TMEM67: variants seen among roughly 807,000 people sequenced by gnomAD.
TMEM67 encodes meckelin.
TMEM67 carries 124 observed loss-of-function variants against 136.6 expected under a neutral mutation model. The observed-to-expected ratio is 0.91, with a 90% CI of 0.78 to 1.05. The LOEUF (loss-of-function observed/expected upper bound fraction) is 1.05. Ranked by LOEUF, TMEM67 falls within the 50% of genes least tolerant of loss-of-function variation. The pLI, the probability that TMEM67 is intolerant of heterozygous loss-of-function variation, is 0.00. For synonymous variants in TMEM67, 364 were observed against 390.5 expected (o/e 0.93, Z 0.80); for missense variants, 1,107 against 1,178.4 (o/e 0.94, Z 0.89).
chr8:93,819,932 T>C (rs1484502279), downstream of TMEM67, among the ~76,000 whole-genome samples: 2 of 152,146 alleles, frequency 1.3e-5, no homozygotes, highest in Non-Finnish European at 2.9e-5. Context: ...ATACAAACTA[T>C]AGACCTGAGC....
At chr8:93,828,414 C>T in the TMEM67 span, among the ~76,000 whole-genome samples, 2 of 152,172 alleles carry the variant, frequency 1.3e-5, no homozygotes. Context: ...TAATTGACTT[C>T]AAGCAGCACT....
chr8:93,767,466 T>C (rs1242979916), intron 6 of TMEM67, among the ~76,000 whole-genome samples: 1 of 152,240 alleles, frequency 6.6e-6, no homozygotes, highest in East Asian at 1.9e-4. Context: ...ACCACTACTG[T>C]GATGGTTGCC....
At chr8:93,799,835 C>T in intron 21 of TMEM67, 77 bp downstream of exon 21, 1 of 1,127,528 alleles carries the variant, frequency 8.9e-7, no homozygotes. Context: ...TGATTATCAT[C>T]AAATATTGAC....
downstream of TMEM67, among the ~76,000 whole-genome samples, chr8:93,822,948 A>T (rs925803551): frequency 6.6e-6 from 1 of 152,234 alleles, no homozygotes; most frequent in South Asian, 2.1e-4. Flanking sequence ...CCCTTTATCT[A>T]TATACAATTT....
At chr8:93,759,096 A>C (rs1812706338) in intron 3 of TMEM67, 1 of 152,400 alleles carries the variant, frequency 6.6e-6, no homozygotes, top group South Asian at 2.1e-4. Context: ...AATAGGGAAA[A>C]AGCGTAAGCA....
Position 93,780,906 on chromosome 8 carries a change from A to T in TMEM67, c.902A>T (p.Asp301Val). The change falls in exon 9 of 28, where the codon GAC becomes GTC. Residue 301 changes from aspartate (D) to valine (V), a missense_variant. Physicochemically the swap from Asp to Val is radical, Grantham distance 152 (BLOSUM62 -3). Around this residue, in one of 3 missense-constraint regions of TMEM67, gnomAD observed 925 missense variants for 1,002.4 expected, o/e 0.92. Transcript: ENST00000453321. ...RQNLPWLFYG[D>V]QLGLAPQVLS... Reference sequence around the variant, plus strand: ...AATCTTCCTTGGCTGTTTTATGGAGACCAGTTAGGATTAGCACCTCAAGTG... The same window carrying T: ...AATCTTCCTTGGCTGTTTTATGGAGTCCAGTTAGGATTAGCACCTCAAGTG... The T allele has an allele frequency of 6.2e-7, 1 of 1,612,438 alleles. No homozygotes were observed. Among genetic ancestry groups the T allele is most frequent in the Non-Finnish European group, 8.5e-7 (1 of 1,179,778 alleles).
chr8:93,792,809 C>T (rs1291632808), intron 15 of TMEM67, among the ~76,000 whole-genome samples: 5 of 146,566 alleles, frequency 3.4e-5, no homozygotes, highest in South Asian at 4.4e-4. Context: ...CTCACTCTGT[C>T]GCCCAGGCTG....
chr8:93,820,144 GCCCTGGC>G (rs569785916), downstream of TMEM67, among the ~76,000 whole-genome samples: 70 of 152,170 alleles, frequency 4.6e-4, no homozygotes, highest in Non-Finnish European at 5.3e-4. Flanking sequence ...CCCAGGCTCT[GCCCTGGC>G]TCCTGGTGCT....
At chr8:93,756,064 T>C in intron 2 of TMEM67, 198 bp downstream of exon 2, 1 of 460,730 alleles carries the variant, frequency 2.2e-6, no homozygotes, top group Non-Finnish European at 3.8e-6. Context: ...AATGTATTTC[T>C]TTTAAAATCT....
intron 21 of TMEM67, 49 bp downstream of exon 21, chr8:93,799,807 A>G: frequency 6.8e-7 from 1 of 1,480,990 alleles, no homozygotes; most frequent in Non-Finnish European, 9.4e-7. Flanking sequence ...TTGCTTCTTT[A>G]TAACTCTGCC....
At chr8:93,785,979 A>G (rs1320277311) in intron 12 of TMEM67, among the ~76,000 whole-genome samples, 8 of 152,144 alleles carry the variant, frequency 5.3e-5, no homozygotes, top group Non-Finnish European at 1.2e-4. Flanking sequence ...CTGAGGTGGG[A>G]GGATCACTTG....
Position 93,782,477 on chromosome 8 carries a change from T to C in TMEM67, c.1131+17T>C. ...CAACAAAATGTAAGTTTGAACGATATTAGTCTATATTTTAGCTTTATTTTT... is the reference window on the plus strand; with the variant it reads ...CAACAAAATGTAAGTTTGAACGATACTAGTCTATATTTTAGCTTTATTTTT... On this transcript the variant is annotated intron_variant, in intron 11 of 27. Transcript: ENST00000453321. 1.9e-6 allele frequency: 3 copies of C among 1,589,272 alleles called. No homozygotes were observed. Among genetic ancestry groups the C allele is most frequent in the Non-Finnish European group, 2.6e-6 (3 of 1,158,990 alleles).
chr8:93,823,006 T>C (rs1205004836), downstream of TMEM67, among the ~76,000 whole-genome samples: 1 of 152,218 alleles, frequency 6.6e-6, no homozygotes, highest in Non-Finnish European at 1.5e-5. Flanking sequence ...AGATAAGACA[T>C]TGCCTCTACT....
rs771570446 is a variant in TMEM67 at position 93,785,331 on chromosome 8, C to G, written c.1241C>G (p.Pro414Arg). Reference protein sequence around the residue: ...ENQHQYILAVPVLNLNLQHNK... With the variant: ...ENQHQYILAVRVLNLNLQHNK... ...CAACATCAATATATTTTGGCTGTGC[C>G]TGTGTTAAACCTAAATCTTCAACAT... The change falls in exon 12 of 28, where the codon CCT becomes CGT. Residue 414 changes from proline to arginine, a missense_variant. By Grantham distance (103) the Pro-to-Arg change is moderately radical. Transcript: ENST00000453321. The G allele has an allele frequency of 2.5e-6, 4 of 1,611,144 alleles. No homozygotes were observed. The highest frequency in any genetic ancestry group is 1.1e-5 in the South Asian group (1 of 90,904).
intron 23 of TMEM67, among the ~76,000 whole-genome samples, chr8:93,806,578 T>A (rs1262323126): frequency 6.6e-6 from 1 of 152,124 alleles, no homozygotes; most frequent in African/African-American, 2.4e-5. Flanking sequence ...TAAAATTTTT[T>A]AAATAATAAG....
chr8:93,773,123 GT>G (rs1229828609), intron 7 of TMEM67, among the ~76,000 whole-genome samples: 1 of 152,200 alleles, frequency 6.6e-6, no homozygotes, highest in Non-Finnish European at 1.5e-5. Flanking sequence ...GAGGGTTATA[GT>G]TGAGCAAAGA....
At chr8:93,824,655 A>G in the TMEM67 span, among the ~76,000 whole-genome samples, 2 of 152,032 alleles carry the variant, frequency 1.3e-5, no homozygotes, top group African/African-American at 4.8e-5. Context: ...CAACTTCTCT[A>G]TTTCCTTTGC....
chr8:93,803,641 A>G lies in TMEM67; in HGVS notation c.2279A>G (p.Glu760Gly). Residue 760 changes from glutamate to glycine, a missense_variant, in exon 22 of 28, where the codon GAA (glutamate) becomes GGA (glycine). This residue lies in a region of TMEM67 where 925 missense variants were observed against 1,002.4 expected (regional missense o/e 0.92). Coordinates refer to ENST00000453321, the MANE Select transcript of TMEM67 (RefSeq NM_153704.6). ...FFAVFYERFI[E>G]DKIRQFVDLC... ...GCTGTCTTTTATGAGAGATTTATAGAAGATAAAATTCGACAGTTCGTTGAT... is the reference window on the plus strand; with the variant it reads ...GCTGTCTTTTATGAGAGATTTATAGGAGATAAAATTCGACAGTTCGTTGAT... 2 of 1,605,952 alleles carry G rather than the reference A, an allele frequency of 1.2e-6. No individual in the cohort carries two copies. Among genetic ancestry groups the G allele is most frequent in the South Asian group, 1.1e-5 (1 of 90,908 alleles).
At position 93,816,625 on chromosome 8, in the gene TMEM67, A is replaced by G. The variant is rs530988214; in HGVS notation, c.*173A>G. 2 of 476,610 alleles carry G rather than the reference A, an allele frequency of 4.2e-6. No individual in the cohort carries two copies. Among genetic ancestry groups the G allele is most frequent in the South Asian group, 3.7e-5 (1 of 26,886 alleles). 29.5% of individuals were successfully genotyped at this position (476,610 alleles called of 1,614,324 possible). On this transcript the variant is annotated 3_prime_UTR_variant, in exon 28 of 28. Coordinates refer to ENST00000453321, the MANE Select transcript of TMEM67 (RefSeq NM_153704.6). ...TTGGGAATATATAACCTGATATAAT[A>G]GAAAATACTGTTTTCCCATTGTGTG...
Sources: gnomAD v4.1 joint callset for allele counts (sites outside exome capture counted in the v4.1 genomes callset) on GRCh38, gnomAD v4.1.1 for gene constraint, gnomAD v4.1.1 regional missense constraint, MANE v1.5 for transcripts, NCBI Gene and HGNC (gene_info 2026-07-23, HGNC 2026-07-21) for gene names.